Variants in GRM8 observed in about 807,000 individuals in gnomAD.
The protein encoded by GRM8 is metabotropic glutamate receptor 8.
Under a neutral mutation model 87.2 loss-of-function variants are expected in GRM8, and 47 were observed. The ratio of observed to expected loss-of-function variants is 0.54; its 90% CI spans 0.43 to 0.69. GRM8 has a LOEUF of 0.69. Among genes scored for constraint, GRM8 ranks in the 30% least tolerant of loss-of-function variants. The pLI is 0.00. For missense variants in GRM8, 1,019 were observed against 1,139.2 expected (o/e 0.89, Z 1.52); for synonymous variants, 396 against 404.5 (o/e 0.98, Z 0.25).
chr7:127,155,155 A>G lies in GRM8; in HGVS notation c.511-48443T>C, dbSNP rs748271618. On this transcript the variant is annotated intron_variant, in intron 2 of 10. Coordinates refer to ENST00000339582, the MANE Select transcript of GRM8 (RefSeq NM_000845.3). ...TCTAGGATGATGGTTCCAGCATGTC[A>G]CTGGGTGGAAATTAGAGCTATTTAC... Among the ~76,000 whole-genome samples, 3 of 152,120 alleles carry G rather than the reference A, an allele frequency of 2.0e-5. No homozygotes were observed. The East Asian group carries it at 5.8e-4, about 29-fold the overall frequency.
chr7:126,875,548 A>G (rs1011831233), intron 6 of GRM8, among the ~76,000 whole-genome samples: 24 of 152,204 alleles, frequency 1.6e-4, no homozygotes, highest in African/African-American at 5.3e-4. Flanking sequence ...GTTCCCCATC[A>G]TGGCTAAATG....
At chr7:126,920,543 A>G (rs1275081295) in intron 3 of GRM8, among the ~76,000 whole-genome samples, 2 of 152,148 alleles carry the variant, frequency 1.3e-5, no homozygotes, top group Non-Finnish European at 2.9e-5. Flanking sequence ...CTGGTGTTCT[A>G]CTTAACATGA....
At chr7:127,194,317 G>C (rs189185556) in intron 2 of GRM8, among the ~76,000 whole-genome samples, 1 of 152,256 alleles carries the variant, frequency 6.6e-6, no homozygotes, top group East Asian at 1.9e-4. Context: ...ATGTTTGCAG[G>C]ACTGCGGCGT....
At chr7:127,152,354 G>T (rs931285040) in intron 2 of GRM8, among the ~76,000 whole-genome samples, 1 of 152,086 alleles carries the variant, frequency 6.6e-6, no homozygotes, top group Non-Finnish European at 1.5e-5. Context: ...ACAGGATGAT[G>T]GTGGTGGTGG....
chr7:127,180,112 A>G (rs570530818), intron 2 of GRM8, among the ~76,000 whole-genome samples: 8 of 152,178 alleles, frequency 5.3e-5, no homozygotes, highest in Non-Finnish European at 1.2e-4. Flanking sequence ...AGCAAGATTA[A>G]CCAAGAAAAG....
chr7:126,637,901 A>T (rs1007676624), intron 7 of GRM8, among the ~76,000 whole-genome samples: 18 of 152,262 alleles, frequency 1.2e-4, no homozygotes, highest in African/African-American at 4.1e-4. Context: ...GGTAGATGAT[A>T]CAAATATATA....
In GRM8 at chr7:126,899,395, C is replaced by T. The variant is rs186158702; in HGVS notation, c.1156+3147G>A. On this transcript the variant is annotated intron_variant, in intron 6 of 10. Transcript: ENST00000339582. ...TTTTACTGCTGTTCACGCACCTACA[C>T]GTCACACCCTACTCCATGCCTTTGT... Among the ~76,000 whole-genome samples, 830 of 152,276 alleles carry T rather than the reference C, an allele frequency of 5.5e-3. 8 individuals carry two copies. The highest frequency in any genetic ancestry group is 6.3e-3 in the Non-Finnish European group (428 of 68,036).
At chr7:126,713,388 T>G (rs536478735) in intron 7 of GRM8, among the ~76,000 whole-genome samples, 2 of 151,620 alleles carry the variant, frequency 1.3e-5, no homozygotes, top group East Asian at 1.9e-4. Context: ...TAAGTGGGAG[T>G]TGAGCAGTGA....
At chr7:127,231,872 C>CTTTT (rs5887330) in intron 2 of GRM8, among the ~76,000 whole-genome samples, 6 of 149,302 alleles carry the variant, frequency 4.0e-5, no homozygotes, top group African/African-American at 1.5e-4. Context: ...TTTTCTTTTT[C>CTTTT]TTTTTTTTTT....
chr7:126,640,733 CT>C (rs573879093), intron 7 of GRM8, among the ~76,000 whole-genome samples: 15 of 152,128 alleles, frequency 9.9e-5, no homozygotes, highest in African/African-American at 3.6e-4. Context: ...TGTTCTGGAC[CT>C]TCCCCCCCTC....
In GRM8 at chr7:126,944,930, G is replaced by A. The variant is rs566043095; in HGVS notation, c.728-40247C>T. 1.1e-4 allele frequency among the ~76,000 whole-genome samples: 16 copies of A among 152,336 alleles called. No homozygotes were observed. The South Asian group carries it at 3.3e-3, about 32-fold the overall frequency. ...AATGTAAAATGACTAACAACGTGAT[G>A]TCATTTCACATCCACCAGGTTGAGA... On this transcript the variant is annotated intron_variant, in intron 3 of 10. Transcript: ENST00000339582.
At chr7:126,617,958 A>G (rs1799694567) in intron 7 of GRM8, among the ~76,000 whole-genome samples, 1 of 152,222 alleles carries the variant, frequency 6.6e-6, no homozygotes, top group Admixed American at 6.5e-5. Flanking sequence ...GCCCAAGGTA[A>G]TTTATAGATT....
At chr7:126,965,310 AAAAAG>A (rs1809737761) in intron 3 of GRM8, among the ~76,000 whole-genome samples, 1 of 152,186 alleles carries the variant, frequency 6.6e-6, no homozygotes, top group Non-Finnish European at 1.5e-5. Flanking sequence ...AAATTTTAAA[AAAAAG>A]AAAGAGGAAA....
rs3808146 is a variant in GRM8 at position 126,832,246 on chromosome 7, T to C, written c.1157-62181A>G. On this transcript the variant is annotated intron_variant, in intron 6 of 10. Coordinates refer to ENST00000339582, the MANE Select transcript of GRM8 (RefSeq NM_000845.3). ...GCCATAGTGGACTAGATCCCTTATC[T>C]ACTCAGGCCTGTGATCTAGAATGAC... is the stretch of plus-strand genomic sequence containing the variant. 6.2e-4 allele frequency among the ~76,000 whole-genome samples: 94 copies of C among 151,456 alleles called. 3 individuals carry two copies. In the East Asian group the frequency reaches 0.012, roughly 19 times the overall value.
intron 6 of GRM8, among the ~76,000 whole-genome samples, chr7:126,788,420 A>AAAAAAAAAAAAACAAAAAACAACAAAC: frequency 1.2e-5 from 1 of 81,138 alleles, no homozygotes; most frequent in African/African-American, 4.6e-5. Flanking sequence ...AAAAAAAAAA[A>AAAAAAAAAAAAACAAAAAACAACAAAC]AAACCCTTTC....
chr7:126,440,446 G>T (rs1801343747), intron 10 of GRM8, among the ~76,000 whole-genome samples: 1 of 146,290 alleles, frequency 6.8e-6, no homozygotes. Context: ...TTACAGTACT[G>T]CCATGTCCTA....
chr7:126,600,594 T>C (rs1371077524), intron 8 of GRM8, among the ~76,000 whole-genome samples: 1 of 152,166 alleles, frequency 6.6e-6, no homozygotes, highest in East Asian at 1.9e-4. Context: ...CCATCTATGT[T>C]CAGTCAATAT....
intron 3 of GRM8, among the ~76,000 whole-genome samples, chr7:126,961,004 G>C (rs1025803700): frequency 3.9e-5 from 6 of 152,098 alleles, no homozygotes; most frequent in African/African-American, 1.2e-4. Context: ...AGTCAGTTCT[G>C]CTCTTGAAAA....
chr7:127,150,475 A>G (rs1380619912), intron 2 of GRM8, among the ~76,000 whole-genome samples: 2 of 152,046 alleles, frequency 1.3e-5, no homozygotes, highest in Non-Finnish European at 2.9e-5. Context: ...ATGGGGAAAA[A>G]CTGGAAATTT....
Sources: gnomAD v4.1 joint callset for allele counts (sites outside exome capture counted in the v4.1 genomes callset) on GRCh38, gnomAD v4.1.1 for gene constraint, MANE v1.5 for transcripts, NCBI Gene and HGNC (gene_info 2026-07-23, HGNC 2026-07-21) for gene names.